The following ALG13 variants were observed in gnomAD, a reference collection of about 807,000 sequenced individuals.
ALG13 encodes UDP-N-acetylglucosamine transferase subunit ALG13.
Under a neutral mutation model 87.8 loss-of-function variants are expected in ALG13, and 11 were observed. The observed-to-expected ratio is 0.13, with a 90% CI of 0.08 to 0.21. The LOEUF (loss-of-function observed/expected upper bound fraction) is 0.21, where lower values mean the gene tolerates loss of function less well. Among genes scored for constraint, ALG13 ranks in the 10% least tolerant of loss-of-function variants. The pLI is 1.00. For missense variants in ALG13, 756 were observed against 866.1 expected (o/e 0.87, Z 1.60); for synonymous variants, 320 against 306.3 (o/e 1.04, Z -0.47).
chrX:111,725,165 G>GGGT, intron 15 of ALG13, 104 bp downstream of exon 15: 1 of 977,230 alleles, frequency 1.0e-6, no homozygotes. Flanking sequence ...TCTTGTTGTA[G>GGGT]GGTAGGGTTT....
rs2148219279 is a variant in ALG13, at chrX:111,726,951, T to C, written c.1872T>C (p.Asp624=). 1 of 1,209,661 alleles carries C rather than the reference T, an allele frequency of 8.3e-7. No homozygotes were observed. The highest frequency in any genetic ancestry group is 1.8e-5 in the South Asian group (1 of 56,777). The change falls in exon 16 of 27, where the codon GAT becomes GAC. Residue 624 remains aspartate, a synonymous_variant. Coordinates refer to ENST00000394780, the MANE Select transcript of ALG13 (RefSeq NM_001099922.3). ...AGCACAGTATGCATTATGGGCACGA[T>C]CCTCCAATGCACTACTCACAGACAG... is the stretch of plus-strand genomic sequence containing the variant. ...RLQHSMHYGH[D]PPMHYSQTAG... is the part of the protein sequence containing the mutation.
intron 21 of ALG13, among the ~76,000 whole-genome samples, chrX:111,732,343 G>A (rs1273710525): frequency 8.9e-6 from 1 of 112,007 alleles, no homozygotes. Flanking sequence ...AGGTTATGCT[G>A]CAGTTAACAA....
chrX:111,721,855 T>G, intron 12 of ALG13, 144 bp downstream of exon 12: 1 of 411,145 alleles, frequency 2.4e-6, no homozygotes, highest in South Asian at 4.5e-5. Context: ...ATGATTTAAA[T>G]CCAAAGGAGG....
chrX:111,739,286 G>A (rs1943547123), intron 23 of ALG13, among the ~76,000 whole-genome samples: 1 of 111,850 alleles, frequency 8.9e-6, no homozygotes, highest in African/African-American at 3.3e-5. Flanking sequence ...GAACAGCATA[G>A]GGGAAACCGC....
rs1166956295 is a variant in ALG13 at position 111,744,765 on chromosome X, ACCACCTCCTCCTCCTCCTCCTCCTCCT to A, written c.2796_2822del (p.Pro937_Pro945del). On this transcript the variant is annotated inframe_deletion, in exon 24 of 27. Transcript: ENST00000394780. ...CACCACCACCACCACCACCACCACC[ACCACCTCCTCCTCCTCCTCCTCCTCCT>A]CCTCCTCCTCCTCCTGCTCTTGATG... 1 of 866,667 alleles carries A rather than the reference ACCACCTCCTCCTCCTCCTCCTCCTCCT, an allele frequency of 1.2e-6. No individual in the cohort carries two copies. Among genetic ancestry groups the A allele is most frequent in the Non-Finnish European group, 1.5e-6 (1 of 669,394 alleles). 71.4% of individuals were successfully genotyped at this position (866,667 alleles called of 1,213,427 possible). A position where few individuals can be genotyped will look rare whatever the true frequency, so the allele number is the denominator to read the frequency against.
chrX:111,752,479 G>C (rs1944842134), intron 24 of ALG13, among the ~76,000 whole-genome samples: 1 of 110,012 alleles, frequency 9.1e-6, no homozygotes, highest in Non-Finnish European at 1.9e-5. Context: ...GCAGTGGCAT[G>C]ATCTCGGCTC....
chrX:111,718,269 G>T lies in ALG13; in HGVS notation c.1245G>T (p.Gln415His). 8.4e-7 allele frequency: 1 copy of T among 1,183,798 alleles called. No individual in the cohort carries two copies. The highest frequency in any genetic ancestry group is 3.0e-5 in the East Asian group (1 of 33,302). ...ATACTGATTACAAGAGTTCAAATCA[G>T]AATAGGTAATAAAGGGAAAGGGGAT... ...DAHTDYKSSN[Q>H]NRMEEWGACY... The change falls in exon 10 of 27, where the codon CAG (glutamine) becomes CAT (histidine). Residue 415 changes from glutamine (Q) to histidine (H), a missense_variant. Transcript: ENST00000394780.
At chrX:111,734,106 G>T (rs747160245) in intron 21 of ALG13, among the ~76,000 whole-genome samples, 8 of 112,360 alleles carry the variant, frequency 7.1e-5, no homozygotes, top group Admixed American at 1.9e-4. Context: ...TCTGTGGGTT[G>T]TCTATCTGTT....
chrX:111,735,088 A>C lies in ALG13; in HGVS notation c.2495A>C (p.Gln832Pro), dbSNP rs781652731. Residue 832 changes from glutamine to proline, a missense_variant, in exon 22 of 27, where the codon CAG (glutamine) becomes CCG (proline). Around this residue, in one of 9 missense-constraint regions of ALG13, gnomAD observed 362 missense variants for 383.5 expected, o/e 0.94. Transcript: ENST00000394780. ...AGAAAGTCATGTTCTATGTCTCCTCAGGACACAGTTACCTCATACAACTAC... is the reference window on the plus strand; with the variant it reads ...AGAAAGTCATGTTCTATGTCTCCTCCGGACACAGTTACCTCATACAACTAC... ...QDRKSCSMSPQDTVTSYNYPQ... is the reference protein window; with the variant it reads ...QDRKSCSMSPPDTVTSYNYPQ... 2.5e-6 allele frequency: 3 copies of C among 1,192,578 alleles called. No homozygotes were observed. The highest frequency in any genetic ancestry group is 1.8e-5 in the African/African-American group (1 of 56,916).
chrX:111,681,477 G>C, intron 1 of ALG13, 178 bp downstream of exon 1: 2 of 1,066,185 alleles, frequency 1.9e-6, no homozygotes, highest in Non-Finnish European at 2.4e-6. Flanking sequence ...GCCCTTCTCC[G>C]GCTACCCGGC....
At chrX:111,728,069 C>A in intron 18 of ALG13, 116 bp from the exon 19 acceptor site, 1 of 929,098 alleles carries the variant, frequency 1.1e-6, no homozygotes, top group Non-Finnish European at 1.5e-6. Flanking sequence ...AGTTCTCTTA[C>A]AATAGCAGTT....
chrX:111,713,605 C>A (rs774812573), intron 8 of ALG13, among the ~76,000 whole-genome samples: 2 of 111,672 alleles, frequency 1.8e-5, no homozygotes, highest in Non-Finnish European at 3.8e-5. Context: ...GGTCCCAAAC[C>A]AGCTTCATTT....
intron 3 of ALG13, among the ~76,000 whole-genome samples, chrX:111,691,535 A>G (rs1413690892): frequency 8.9e-6 from 1 of 112,607 alleles, no homozygotes; most frequent in East Asian, 2.8e-4. Flanking sequence ...TTCCTGTGCA[A>G]TAATTGGTAT....
In ALG13 at chrX:111,759,833, ACTC is replaced by A. The variant is rs759387455; in HGVS notation, c.3251_3253del (p.Ser1084del). ...GGGCAGCCACCTTTGCCAGGTTTTG[ACTC>A]CTGCCTTCCGGTTGTGCCAGATTAT... is the stretch of plus-strand genomic sequence containing the variant. On this transcript the variant is annotated inframe_deletion, in exon 27 of 27. Transcript: ENST00000394780. 3 of 1,209,869 alleles carry A rather than the reference ACTC, an allele frequency of 2.5e-6. No homozygotes were observed. In the East Asian group the frequency reaches 8.9e-5, roughly 36 times the overall value.
intron 24 of ALG13, among the ~76,000 whole-genome samples, chrX:111,747,282 T>C (rs1221744666): frequency 1.8e-5 from 2 of 112,322 alleles, no homozygotes; most frequent in Non-Finnish European, 3.8e-5. Flanking sequence ...CTCCATAGTT[T>C]TGACTTTTCC....
At chrX:111,751,969 C>CAAGT (rs1944797513) in intron 24 of ALG13, among the ~76,000 whole-genome samples, 1 of 111,648 alleles carries the variant, frequency 9.0e-6, no homozygotes, top group Non-Finnish European at 1.9e-5. Flanking sequence ...TTGCTCATTG[C>CAAGT]CCTTCTCTTT....
At chrX:111,685,342 T>G (rs1031278169) in intron 3 of ALG13, 76 of 270,523 alleles carry the variant, frequency 2.8e-4, no homozygotes, top group Non-Finnish European at 3.7e-4. Flanking sequence ...TCTGAGAGAG[T>G]GTGTGTATGT....
Position 111,690,199 on chromosome X carries a change from G to A in ALG13, c.383+5096G>A. On this transcript the variant is annotated intron_variant, in intron 3 of 26. Coordinates refer to ENST00000394780, the MANE Select transcript of ALG13 (RefSeq NM_001099922.3). ...TCTGTTTGAAATGTTTGCTCTATTTGTTTGGTTTCATTACATGACAGAGCT... is the reference window on the plus strand; with the variant it reads ...TCTGTTTGAAATGTTTGCTCTATTTATTTGGTTTCATTACATGACAGAGCT... 5 of 752,820 alleles carry A rather than the reference G, an allele frequency of 6.6e-6. No homozygotes were observed. In the South Asian group the frequency reaches 2.7e-4, roughly 41 times the overall value. 62.0% of individuals were successfully genotyped at this position (752,820 alleles called of 1,213,427 possible).
chrX:111,710,356 C>G (rs755018911), intron 5 of ALG13, among the ~76,000 whole-genome samples: 3 of 111,421 alleles, frequency 2.7e-5, no homozygotes, highest in Non-Finnish European at 5.7e-5. Flanking sequence ...TTTTAACGAA[C>G]TGAAGTAATG....
Sources: allele counts gnomAD v4.1 joint callset (sites outside exome capture counted in the v4.1 genomes callset), GRCh38; gene constraint gnomAD v4.1.1; regional missense constraint gnomAD v4.1.1; transcripts MANE v1.5; gene names NCBI Gene and HGNC (gene_info 2026-07-23, HGNC 2026-07-21).